The following ACTR3C variants were observed in gnomAD, a reference collection of about 807,000 sequenced individuals.
The protein encoded by ACTR3C is actin-related protein 3C.
In ACTR3C, 18 loss-of-function variants were observed where a neutral mutation model predicts 26.3. The ratio of observed to expected loss-of-function variants is 0.68; its 90% confidence interval spans 0.47 to 1.01. The LOEUF is 1.01. Ranked by LOEUF, ACTR3C falls within the 50% of genes least tolerant of loss-of-function variation. ACTR3C has a pLI of 0.00. For synonymous variants in ACTR3C, 55 were observed against 94.5 expected (o/e 0.58, Z 2.42); for missense variants, 184 against 250.7 (o/e 0.73, Z 1.80).
chr7:150,174,780 A>G, the ACTR3C span, among the ~76,000 whole-genome samples: 1 of 148,258 alleles, frequency 6.7e-6, no homozygotes, highest in Non-Finnish European at 1.5e-5. Context: ...AAATGGCTTC[A>G]ATGGTGAATT....
the ACTR3C span, among the ~76,000 whole-genome samples, chr7:150,219,923 C>A: frequency 6.9e-6 from 1 of 145,658 alleles, no homozygotes. Context: ...TCTCGAAAGC[C>A]TCGCAATCAT....
chr7:149,897,572 G>A, the ACTR3C span, among the ~76,000 whole-genome samples: 1 of 152,258 alleles, frequency 6.6e-6, no homozygotes, highest in East Asian at 1.9e-4. Flanking sequence ...ACAGCTATAA[G>A]AGTGAATTTG....
the ACTR3C span, among the ~76,000 whole-genome samples, chr7:149,985,685 T>C: frequency 3.9e-5 from 6 of 152,190 alleles, no homozygotes; most frequent in African/African-American, 9.6e-5. Context: ...CCATCAATGA[T>C]GGAGCTGACA....
the ACTR3C span, among the ~76,000 whole-genome samples, chr7:150,066,217 G>A: frequency 4.5e-3 from 680 of 152,226 alleles, 5 homozygotes; most frequent in African/African-American, 0.016. Flanking sequence ...GGGGACCACA[G>A]CTCTAGAACA....
the ACTR3C span, among the ~76,000 whole-genome samples, chr7:150,058,315 C>T: frequency 2.6e-5 from 4 of 152,118 alleles, no homozygotes; most frequent in Non-Finnish European, 5.9e-5. Context: ...TGTATTCTTC[C>T]GTCTTATTGG....
the ACTR3C span, among the ~76,000 whole-genome samples, chr7:150,010,854 G>T: frequency 6.8e-6 from 1 of 146,856 alleles, no homozygotes; most frequent in East Asian, 2.0e-4. Flanking sequence ...GTGTCTGAGG[G>T]GTTGGTCCAA....
the ACTR3C span, among the ~76,000 whole-genome samples, chr7:150,147,812 G>A: frequency 6.7e-6 from 1 of 150,094 alleles, no homozygotes; most frequent in East Asian, 2.0e-4. Context: ...TAGGAGTACT[G>A]GTTATTACCA....
At position 150,277,978 on chromosome 7, in the gene ACTR3C, T is replaced by C. The variant is rs150049028; in HGVS notation, c.564+6775A>G. The stretch of plus-strand genomic sequence containing the variant: ...CATGCGAGGCCCCTCCAGGTGGATA[T>C]GCCTGTCTTTCCTCGGAGCCCCAGT... On this transcript the variant is annotated intron_variant, in intron 6 of 7. Coordinates refer to ENST00000683684, the MANE Select transcript of ACTR3C (RefSeq NM_001164458.2). Among the ~76,000 whole-genome samples, 1,326 of 152,298 alleles carry C rather than the reference T, an allele frequency of 8.7e-3. 18 individuals carry two copies. The highest frequency in any genetic ancestry group is 0.03 in the African/African-American group (1,261 of 41,550).
chr7:150,013,500 G>T, the ACTR3C span, among the ~76,000 whole-genome samples: 3 of 152,210 alleles, frequency 2.0e-5, no homozygotes, highest in African/African-American at 7.2e-5. Context: ...CTGTCTTAAT[G>T]GATGAAGCTA....
At chr7:149,957,204 G>A in the ACTR3C span, among the ~76,000 whole-genome samples, 5 of 151,878 alleles carry the variant, frequency 3.3e-5, no homozygotes, top group Admixed American at 1.3e-4. Context: ...GCATTTCACC[G>A]GACTTCTTAG....
At chr7:150,209,220 GAGAGAGAGATACAGAAACAGAGAGAGAC>G in the ACTR3C span, among the ~76,000 whole-genome samples, 2 of 148,508 alleles carry the variant, frequency 1.3e-5, no homozygotes, top group Non-Finnish European at 2.9e-5. Flanking sequence ...GAGAGAGAGA[GAGAGAGAGATACAGAAACAGAGAGAGAC>G]AGAGAGAGAG....
At chr7:150,067,520 G>A in the ACTR3C span, among the ~76,000 whole-genome samples, 2 of 152,204 alleles carry the variant, frequency 1.3e-5, no homozygotes, top group Admixed American at 6.5e-5. Context: ...CCTGGTGTCC[G>A]AACCTCTGGA....
At chr7:150,172,777 G>C in the ACTR3C span, among the ~76,000 whole-genome samples, 1 of 150,650 alleles carries the variant, frequency 6.6e-6, no homozygotes, top group Admixed American at 6.6e-5. Context: ...ACCAGTATTG[G>C]GTAAATATAG....
At chr7:150,186,071 T>C in the ACTR3C span, among the ~76,000 whole-genome samples, 6 of 152,292 alleles carry the variant, frequency 3.9e-5, no homozygotes, top group African/African-American at 1.4e-4. Context: ...AGTCCAGAGC[T>C]GGTGGAAGAG....
At chr7:150,180,625 G>C in the ACTR3C span, among the ~76,000 whole-genome samples, 1 of 146,790 alleles carries the variant, frequency 6.8e-6, no homozygotes, top group South Asian at 2.1e-4. Flanking sequence ...CCATTCTCCC[G>C]CCTCAGCCTC....
the ACTR3C span, among the ~76,000 whole-genome samples, chr7:150,092,771 T>C: frequency 0.019 from 2,753 of 148,034 alleles, 139 homozygotes; most frequent in African/African-American, 0.069. Context: ...AAGTGATGAA[T>C]GTCAATGCCA....
At chr7:150,104,085 C>T in the ACTR3C span, among the ~76,000 whole-genome samples, 1 of 151,382 alleles carries the variant, frequency 6.6e-6, no homozygotes, top group East Asian at 1.9e-4. Flanking sequence ...GTGTACTTTT[C>T]CAGTCTTTTT....
At chr7:149,925,226 T>C in the ACTR3C span, among the ~76,000 whole-genome samples, 1 of 152,046 alleles carries the variant, frequency 6.6e-6, no homozygotes, top group Non-Finnish European at 1.5e-5. Flanking sequence ...ATTGAACTAA[T>C]GGAGAGATAA....
chr7:149,942,795 C>G, the ACTR3C span, among the ~76,000 whole-genome samples: 2 of 150,164 alleles, frequency 1.3e-5, no homozygotes, highest in African/African-American at 5.0e-5. Context: ...TCTTGGATCA[C>G]CAACAAATAT....
Sources: allele counts gnomAD v4.1 joint callset (sites outside exome capture counted in the v4.1 genomes callset), GRCh38; gene constraint gnomAD v4.1.1; transcripts MANE v1.5; gene names NCBI Gene and HGNC (gene_info 2026-07-23, HGNC 2026-07-21).